The following C2CD3 variants were observed in gnomAD, a reference collection of about 807,000 sequenced individuals.
C2CD3 encodes the protein C2 domain containing 3 centriole elongation regulator, also known as C2 domain-containing protein 3.
In C2CD3, 148 loss-of-function variants were observed where a neutral mutation model predicts 234.0. The ratio of observed to expected loss-of-function variants is 0.63; its 90% CI spans 0.55 to 0.72. C2CD3 has a LOEUF of 0.72. C2CD3 is among the 30% of genes least tolerant of loss of function. The pLI, the probability that C2CD3 is intolerant of heterozygous loss-of-function variation, is 0.00. For missense variants in C2CD3, 2,577 were observed against 2,811.5 expected (o/e 0.92, Z 1.89); for synonymous variants, 1,000 against 1,035.4 (o/e 0.97, Z 0.66).
intron 27 of C2CD3, among the ~76,000 whole-genome samples, chr11:74,049,090 T>C (rs1448766344): frequency 2.6e-5 from 4 of 152,256 alleles, no homozygotes; most frequent in African/African-American, 9.6e-5. Context: ...ATATAATTAA[T>C]GTATTATACA....
chr11:74,040,951 A>AT lies in C2CD3; in HGVS notation c.5660+1102dup, dbSNP rs1415404332. Among the ~76,000 whole-genome samples the AT allele has an allele frequency of 5.8e-5, 8 of 138,150 alleles. No individual in the cohort carries two copies. In the East Asian group the frequency reaches 1.6e-3, roughly 28 times the overall value. The allele number at this position is 138,150 out of a possible 152,430, so 90.6% of individuals were successfully genotyped here. A position where few individuals can be genotyped will look rare whatever the true frequency, so the allele number is the denominator to read the frequency against. ...GCACACACACACACCCCTTTTAAAC[A>AT]TTTTTTCCTTAAATTTTTTTTTTTT... On this transcript the variant is annotated intron_variant, in intron 29 of 32. Transcript: ENST00000334126.
At chr11:74,166,068 T>C (rs879577086) in intron 2 of C2CD3, among the ~76,000 whole-genome samples, 7 of 152,090 alleles carry the variant, frequency 4.6e-5, no homozygotes, top group Admixed American at 3.9e-4. Flanking sequence ...CCCAGCACTT[T>C]GGGAGGCTGA....
intron 23 of C2CD3, among the ~76,000 whole-genome samples, chr11:74,075,496 G>C (rs569227016): frequency 6.6e-6 from 1 of 150,644 alleles, no homozygotes; most frequent in Non-Finnish European, 1.5e-5. Flanking sequence ...CATCACTCTG[G>C]CAGTAAGTGG....
At chr11:74,159,896 T>C (rs1406998740) in intron 3 of C2CD3, among the ~76,000 whole-genome samples, 1 of 152,116 alleles carries the variant, frequency 6.6e-6, no homozygotes, top group Non-Finnish European at 1.5e-5. Context: ...AACTGCTCTA[T>C]ATAGGTATAT....
intron 3 of C2CD3, among the ~76,000 whole-genome samples, chr11:74,154,266 T>C (rs1425038877): frequency 1.3e-5 from 2 of 152,030 alleles, no homozygotes; most frequent in Non-Finnish European, 2.9e-5. Context: ...ATAAACCTGA[T>C]TTCATTGAAA....
chr11:74,095,518 G>T, intron 16 of C2CD3, 110 bp from the exon 17 acceptor site: 1 of 764,020 alleles, frequency 1.3e-6, no homozygotes, highest in South Asian at 2.1e-5. Context: ...ATAATTAGTT[G>T]ATACTAAAAT....
At chr11:74,100,172 C>A (rs949666661) in intron 15 of C2CD3, among the ~76,000 whole-genome samples, 7 of 152,166 alleles carry the variant, frequency 4.6e-5, no homozygotes, top group African/African-American at 1.7e-4. Context: ...GCCATGCTAT[C>A]TTGGGTCCTA....
At chr11:74,133,303 A>C (rs749125264) in intron 6 of C2CD3, 122 bp downstream of exon 6, 253 of 882,258 alleles carry the variant, frequency 2.9e-4, no homozygotes, top group Non-Finnish European at 4.3e-4. Flanking sequence ...CTTCTTTCCC[A>C]CCACATCAGG....
chr11:74,140,728 G>C (rs1958024893), intron 3 of C2CD3, among the ~76,000 whole-genome samples: 1 of 152,146 alleles, frequency 6.6e-6, no homozygotes, highest in Admixed American at 6.6e-5. Flanking sequence ...CTAATGGTCT[G>C]ATGAATAAAA....
intron 29 of C2CD3, among the ~76,000 whole-genome samples, chr11:74,040,550 T>A (rs1446050959): frequency 6.6e-6 from 1 of 151,502 alleles, no homozygotes; most frequent in Non-Finnish European, 1.5e-5. Context: ...AGGTCAGGAG[T>A]TTGAGACCAG....
chr11:74,061,107 C>A (rs1954216544), intron 24 of C2CD3, among the ~76,000 whole-genome samples: 1 of 152,098 alleles, frequency 6.6e-6, no homozygotes, highest in South Asian at 2.1e-4. Flanking sequence ...ACAAAGCCTC[C>A]AAGAAATATG....
rs1956277921 is a variant in C2CD3, at chr11:74,100,606, C to T, written c.2651G>A (p.Trp884Ter). 6.2e-7 allele frequency: 1 copy of T among 1,614,050 alleles called. No individual in the cohort carries two copies. The highest frequency in any genetic ancestry group is 1.3e-5 in the African/African-American group (1 of 75,042). ...LKNNVMVIET[W>*]NKVRSPGQDK... Reference sequence around the variant, plus strand: ...CTGTCCTGGGCTCCGCACCTTATTCCAAGTTTCAATTACCATCACATTGTT... The same window carrying T: ...CTGTCCTGGGCTCCGCACCTTATTCTAAGTTTCAATTACCATCACATTGTT... Residue 884 changes from tryptophan (W) to a stop codon, truncating the protein, a stop_gained, in exon 15 of 33, where the codon TGG (tryptophan) becomes TAG (stop). Coordinates refer to ENST00000334126, the MANE Select transcript of C2CD3 (RefSeq NM_001286577.2). LOFTEE classifies it high-confidence loss of function.
chr11:74,087,248 T>C (rs1045880742), intron 20 of C2CD3, among the ~76,000 whole-genome samples: 1 of 152,038 alleles, frequency 6.6e-6, no homozygotes, highest in Non-Finnish European at 1.5e-5. Context: ...TGAAAATAAA[T>C]TGAATGCTAG....
chr11:74,113,935 A>C, intron 10 of C2CD3, 43 bp from the exon 11 acceptor site: 1 of 1,177,250 alleles, frequency 8.5e-7, no homozygotes, highest in Non-Finnish European at 1.2e-6. Context: ...CCAAACAATA[A>C]ACCTAATTTC....
At chr11:74,082,419 G>C (rs1955423764) in intron 22 of C2CD3, among the ~76,000 whole-genome samples, 1 of 152,128 alleles carries the variant, frequency 6.6e-6, no homozygotes, top group Non-Finnish European at 1.5e-5. Flanking sequence ...CCGGCTGACT[G>C]TGGGTTTATC....
At position 74,078,631 on chromosome 11, in the gene C2CD3, G is replaced by A; in HGVS notation, c.4087C>T (p.Leu1363=). Residue 1363 remains leucine, a synonymous_variant, in exon 23 of 33, where the codon CTG becomes TTG. Transcript: ENST00000334126. ...TGCGTGAAGGAAATCGAAAGCTCCA[G>A]ACCACCCACGATCTTCTGCATGAGC... The part of the protein sequence containing the change: ...LELMQKIVGG[L]ELSISFTHRG... 6.2e-7 allele frequency: 1 copy of A among 1,614,136 alleles called. No individual in the cohort carries two copies. Among genetic ancestry groups the A allele is most frequent in the Non-Finnish European group, 8.5e-7 (1 of 1,180,018 alleles).
chr11:74,104,990 T>C (rs1241579009), intron 13 of C2CD3, among the ~76,000 whole-genome samples: 2 of 152,116 alleles, frequency 1.3e-5, no homozygotes, highest in Admixed American at 6.6e-5. Flanking sequence ...TTTTTTGCAA[T>C]AATAATTGTG....
At position 74,078,686 on chromosome 11, in the gene C2CD3, T is replaced by C. The variant is rs775851203; in HGVS notation, c.4032A>G (p.Pro1344=). The change falls in exon 23 of 33, where the codon CCA becomes CCG. Residue 1344 remains proline, a synonymous_variant. Coordinates refer to ENST00000334126, the MANE Select transcript of C2CD3 (RefSeq NM_001286577.2). ...GGCCATGAGGTAGGCCCCCGTCTTC[T>C]GGTAAAATGATAGGATACCATCCTG... The part of the protein sequence containing the change: ...GITGWYPIIL[P]EDGGLPHGLE... 1.7e-5 allele frequency: 28 copies of C among 1,610,678 alleles called. No individual in the cohort carries two copies. The highest frequency in any genetic ancestry group is 2.0e-5 in the Non-Finnish European group (24 of 1,178,574).
At chr11:74,116,037 G>A (rs1417035518) in intron 9 of C2CD3, among the ~76,000 whole-genome samples, 1 of 152,096 alleles carries the variant, frequency 6.6e-6, no homozygotes, top group African/African-American at 2.4e-5. Context: ...AGATAACAAT[G>A]GAACAACCCT....
Sources: gnomAD v4.1 joint callset for allele counts (sites outside exome capture counted in the v4.1 genomes callset) on GRCh38, gnomAD v4.1.1 for gene constraint, MANE v1.5 for transcripts, NCBI Gene and HGNC (gene_info 2026-07-23, HGNC 2026-07-21) for gene names.